Variants in RNF135 observed in about 807,000 individuals in gnomAD.
RNF135 encodes E3 ubiquitin-protein ligase RNF135.
In RNF135, 46 loss-of-function variants were observed where a neutral mutation model predicts 41.9. The observed-to-expected ratio is 1.10, with a 90% CI of 0.87 to 1.40. The LOEUF (loss-of-function observed/expected upper bound fraction) is 1.40. Among genes scored for constraint, RNF135 ranks in the 40% most tolerant of loss-of-function variants. The pLI is 0.00. For missense variants in RNF135, 539 were observed against 549.8 expected, an observed-to-expected ratio of 0.98 and a Z score of 0.20; for synonymous variants, 238 against 223.8, an observed-to-expected ratio of 1.06 and a Z score of -0.57.
chr17:30,979,440 G>T (rs1339383194), intron 1 of RNF135, among the ~76,000 whole-genome samples: 1 of 110,100 alleles, frequency 9.1e-6, no homozygotes. Flanking sequence ...AGGGGCGGCC[G>T]GGCAGAGGCG....
the RNF135 span, among the ~76,000 whole-genome samples, chr17:30,963,438 C>T: frequency 2.0e-5 from 3 of 151,854 alleles, no homozygotes; most frequent in South Asian, 4.2e-4. Context: ...ACAAATTAGC[C>T]GGGTGTGGTT....
chr17:30,966,162 A>G (rs1259737959), upstream of RNF135, among the ~76,000 whole-genome samples: 4 of 152,130 alleles, frequency 2.6e-5, no homozygotes, highest in African/African-American at 9.7e-5. Context: ...AGGGACTATT[A>G]TCATCCTGGC....
chr17:30,983,697 G>A (rs1907386522), intron 1 of RNF135, among the ~76,000 whole-genome samples: 1 of 151,314 alleles, frequency 6.6e-6, no homozygotes, highest in African/African-American at 2.4e-5. Flanking sequence ...CTTCCATAGT[G>A]GCTATATCAT....
At chr17:30,979,359 G>A (rs1490997860) in intron 1 of RNF135, among the ~76,000 whole-genome samples, 5 of 127,614 alleles carry the variant, frequency 3.9e-5, no homozygotes, top group African/African-American at 9.2e-5. Context: ...CTGGCCGGGC[G>A]GGGGGCTGTC....
At chr17:30,967,636 G>T (rs898482103), upstream of RNF135, among the ~76,000 whole-genome samples, 31 of 151,930 alleles carry the variant, frequency 2.0e-4, no homozygotes, top group African/African-American at 7.5e-4. Flanking sequence ...TATTGCTTTG[G>T]AATGTAATTC....
chr17:30,965,203 G>C, the RNF135 span: 5 of 151,946 alleles, frequency 3.3e-5, no homozygotes, highest in Non-Finnish European at 5.9e-5. Context: ...TACAATAACA[G>C]GGCATGGTGG....
At chr17:30,976,802 C>T (rs1192010032) in intron 1 of RNF135, among the ~76,000 whole-genome samples, 1 of 152,086 alleles carries the variant, frequency 6.6e-6, no homozygotes, top group Non-Finnish European at 1.5e-5. Context: ...TATATTTTTC[C>T]ATCCCTTTAT....
chr17:30,999,156 G>A lies in RNF135; in HGVS notation c.1264G>A (p.Gly422Arg). Residue 422 changes from glycine (G) to arginine (R), a missense_variant, in exon 5 of 5, where the codon GGA (glycine) becomes AGA (arginine). By Grantham distance (125) the Gly-to-Arg change is moderately radical. Transcript: ENST00000328381. ...PAFWLYGLHP[G>R]NYLIIKQVKV ...CTTCTGGCTGTATGGCTTACATCCT[G>A]GAAATTACCTGATAATAAAGCAAGT... The A allele has an allele frequency of 6.2e-7, 1 of 1,614,022 alleles. No homozygotes were observed. The highest frequency in any genetic ancestry group is 8.5e-7 in the Non-Finnish European group (1 of 1,180,014).
At chr17:30,993,500 G>T (rs904610054) in intron 3 of RNF135, among the ~76,000 whole-genome samples, 2 of 151,860 alleles carry the variant, frequency 1.3e-5, no homozygotes, top group Non-Finnish European at 2.9e-5. Context: ...CCACCATACC[G>T]AGCCCCTAGT....
intron 1 of RNF135, 197 bp downstream of exon 1, chr17:30,971,642 C>A: frequency 7.4e-7 from 1 of 1,352,762 alleles, no homozygotes; most frequent in Non-Finnish European, 9.4e-7. Context: ...AAACAAATTC[C>A]CCATCTTCCG....
At chr17:30,975,530 A>G (rs1372329595) in intron 1 of RNF135, 1 of 778,220 alleles carries the variant, frequency 1.3e-6, no homozygotes, top group Non-Finnish European at 2.4e-6. Context: ...TCAGAAATAA[A>G]TGGCCTCGAA....
At chr17:30,976,311 AT>A (rs1010709709) in intron 1 of RNF135, among the ~76,000 whole-genome samples, 7 of 151,976 alleles carry the variant, frequency 4.6e-5, no homozygotes, top group Non-Finnish European at 1.0e-4. Flanking sequence ...GCCTATTTCA[AT>A]TTTTTTTGAA....
intron 1 of RNF135, among the ~76,000 whole-genome samples, chr17:30,980,458 A>T (rs1342926777): frequency 5.0e-5 from 5 of 99,768 alleles, no homozygotes; most frequent in African/African-American, 8.2e-5. Context: ...CGGGCAGAGG[A>T]GCCCCTCACC....
upstream of RNF135, chr17:30,970,788 G>T: frequency 1.9e-6 from 1 of 521,230 alleles, no homozygotes. Flanking sequence ...TCCAGCTAAA[G>T]GGAATCTTGG....
chr17:30,979,447 G>A (rs1330934863), intron 1 of RNF135, among the ~76,000 whole-genome samples: 7 of 106,422 alleles, frequency 6.6e-5, no homozygotes, highest in Middle Eastern at 9.3e-3. Context: ...GCCGGGCAGA[G>A]GCGCCCCTCA....
intron 2 of RNF135, among the ~76,000 whole-genome samples, chr17:30,987,241 T>TG (rs1907655193): frequency 6.6e-6 from 1 of 152,002 alleles, no homozygotes; most frequent in South Asian, 2.1e-4. Context: ...CTTTTTTTTT[T>TG]TTTGTGAAAT....
chr17:30,990,774 C>T (rs1907931935), intron 3 of RNF135, among the ~76,000 whole-genome samples: 1 of 152,104 alleles, frequency 6.6e-6, no homozygotes, highest in African/African-American at 2.4e-5. Context: ...TTACTTTATA[C>T]ATCTTTATTT....
chr17:30,962,627 G>C, the RNF135 span, among the ~76,000 whole-genome samples: 1 of 151,942 alleles, frequency 6.6e-6, no homozygotes, highest in Non-Finnish European at 1.5e-5. Context: ...ACCACGCCCG[G>C]CTACTTTTTT....
At chr17:30,975,656 C>A (rs1275648687) in intron 1 of RNF135, 23 of 1,281,750 alleles carry the variant, frequency 1.8e-5, no homozygotes, top group Non-Finnish European at 2.6e-5. Flanking sequence ...ACCGCCAATA[C>A]CGGAGGGTGG....
Sources: allele counts gnomAD v4.1 joint callset (sites outside exome capture counted in the v4.1 genomes callset), GRCh38; gene constraint gnomAD v4.1.1; transcripts MANE v1.5; gene names NCBI Gene and HGNC (gene_info 2026-07-23, HGNC 2026-07-21).